The following SLC4A4 variants were observed in gnomAD, a reference collection of about 807,000 sequenced individuals.
SLC4A4 encodes solute carrier family 4 member 4, also known as electrogenic sodium bicarbonate cotransporter 1.
A neutral mutation model predicts 111.5 loss-of-function variants in SLC4A4; 27 were observed. That is an observed-to-expected ratio of 0.24 (90% CI 0.18 to 0.33). The LOEUF (loss-of-function observed/expected upper bound fraction) is 0.33, where lower values mean the gene tolerates loss of function less well. SLC4A4 is among the 10% of genes least tolerant of loss of function. The pLI is 1.00. For synonymous variants in SLC4A4, 443 were observed against 463.4 expected (o/e 0.96, Z 0.57); for missense variants, 909 against 1,315.5 (o/e 0.69, Z 4.78).
At chr4:71,326,955 A>G (rs974171982) in intron 3 of SLC4A4, among the ~76,000 whole-genome samples, 7 of 152,078 alleles carry the variant, frequency 4.6e-5, no homozygotes, top group African/African-American at 1.7e-4. Flanking sequence ...ACTTAAAAAT[A>G]GTTGTTTCTT....
intron 2 of SLC4A4, among the ~76,000 whole-genome samples, chr4:71,244,651 G>T (rs775434104): frequency 6.6e-6 from 1 of 152,102 alleles, no homozygotes; most frequent in Non-Finnish European, 1.5e-5. Context: ...CTCACCAGTG[G>T]TTGCTGTGAC....
chr4:71,256,390 G>A (rs1721453829), intron 3 of SLC4A4, among the ~76,000 whole-genome samples: 1 of 152,154 alleles, frequency 6.6e-6, no homozygotes, highest in Admixed American at 6.5e-5. Context: ...ATTAAAGAGG[G>A]TGTGAGGCAT....
intron 23 of SLC4A4, among the ~76,000 whole-genome samples, chr4:71,561,866 T>A (rs1468417542): frequency 6.6e-6 from 1 of 151,808 alleles, no homozygotes; most frequent in Non-Finnish European, 1.5e-5. Flanking sequence ...AAAATAAATA[T>A]GTCAACTTAT....
At chr4:71,372,602 C>T (rs1423561326) in intron 6 of SLC4A4, among the ~76,000 whole-genome samples, 1 of 152,212 alleles carries the variant, frequency 6.6e-6, no homozygotes, top group African/African-American at 2.4e-5. Context: ...CAGTCGAAAT[C>T]AGCTGCTTCA....
intron 6 of SLC4A4, among the ~76,000 whole-genome samples, chr4:71,380,782 T>C (rs1000802458): frequency 6.6e-6 from 1 of 152,186 alleles, no homozygotes; most frequent in African/African-American, 2.4e-5. Flanking sequence ...AGATGGCACA[T>C]TTCCTTGCTA....
intron 12 of SLC4A4, among the ~76,000 whole-genome samples, chr4:71,464,679 C>T (rs1727151917): frequency 6.6e-6 from 1 of 152,064 alleles, no homozygotes. Flanking sequence ...TGTTTTTTAT[C>T]CACCGTCATC....
At chr4:71,335,185 G>A (rs1328709010) in intron 3 of SLC4A4, among the ~76,000 whole-genome samples, 1 of 152,026 alleles carries the variant, frequency 6.6e-6, no homozygotes, top group African/African-American at 2.4e-5. Context: ...TACCTATATA[G>A]CAAACCTGCA....
intron 1 of SLC4A4, among the ~76,000 whole-genome samples, chr4:71,197,734 A>T (rs1746072206): frequency 6.6e-6 from 1 of 152,230 alleles, no homozygotes; most frequent in African/African-American, 2.4e-5. Context: ...ATAATAAAAA[A>T]AAGATTTATA....
rs928220458 is a variant in SLC4A4 at position 71,568,758 on chromosome 4, T to G, written c.*1007T>G. On this transcript the variant is annotated 3_prime_UTR_variant, in exon 26 of 26. Coordinates refer to ENST00000264485, the MANE Select transcript of SLC4A4 (RefSeq NM_001098484.3). ...AATTGTATTGTATATAATGTGATTT[T>G]TACACATACATACACACACAAATAC... The G allele has an allele frequency of 6.6e-6, 1 of 152,176 alleles. No individual in the cohort carries two copies. The highest frequency in any genetic ancestry group is 6.6e-5 in the Admixed American group (1 of 15,170). 9.4% of individuals were successfully genotyped at this position (152,176 alleles called of 1,614,324 possible). A position where few individuals can be genotyped will look rare whatever the true frequency, so the allele number is the denominator to read the frequency against.
intron 1 of SLC4A4, among the ~76,000 whole-genome samples, chr4:71,204,255 C>T (rs1047171917): frequency 1.3e-5 from 2 of 152,208 alleles, no homozygotes; most frequent in Non-Finnish European, 2.9e-5. Flanking sequence ...ATCTTCAAAG[C>T]ACTTTCCAAA....
chr4:71,077,381 G>A (rs376501633), intron 1 of SLC4A4, among the ~76,000 whole-genome samples: 3 of 152,020 alleles, frequency 2.0e-5, no homozygotes, highest in South Asian at 2.1e-4. Context: ...GGCTGGTCTC[G>A]AACCCCTGAC....
chr4:71,209,181 T>A (rs1717976648), intron 1 of SLC4A4, among the ~76,000 whole-genome samples: 2 of 152,294 alleles, frequency 1.3e-5, no homozygotes, highest in South Asian at 2.1e-4. Context: ...AATATGCAAA[T>A]CAAAAGGACC....
intron 2 of SLC4A4, among the ~76,000 whole-genome samples, chr4:71,151,102 C>A (rs539606795): frequency 1.3e-5 from 2 of 152,304 alleles, no homozygotes; most frequent in South Asian, 2.1e-4. Flanking sequence ...GCTTTGGTCA[C>A]ATTAGCTACA....
intron 7 of SLC4A4, among the ~76,000 whole-genome samples, chr4:71,439,467 A>AAAG (rs1724497358): frequency 7.4e-5 from 10 of 135,420 alleles, no homozygotes; most frequent in African/African-American, 2.6e-4. Context: ...AAAAAAAAAA[A>AAAG]AAAAGAAAAG....
In SLC4A4 at chr4:71,171,275, T is replaced by G. The variant is rs149519978; in HGVS notation, c.-1-65301T>G. ...AATGGAGAGTGTGGAGAGGAGAGTG[T>G]GGATGTTGGGAGGTCATACTTTATC... On this transcript the variant is annotated intron_variant, in intron 2 of 26. Transcript: ENST00000649996. 2.5e-3 allele frequency among the ~76,000 whole-genome samples: 377 copies of G among 151,848 alleles called. 2 individuals are homozygous for G. Among genetic ancestry groups the G allele is most frequent in the Admixed American group, 0.01 (159 of 15,228 alleles).
intron 7 of SLC4A4, among the ~76,000 whole-genome samples, chr4:71,438,476 T>C (rs992050022): frequency 3.3e-5 from 5 of 152,228 alleles, no homozygotes; most frequent in African/African-American, 9.7e-5. Flanking sequence ...AAAAAGAGTA[T>C]TGTAACTATT....
intron 1 of SLC4A4, among the ~76,000 whole-genome samples, chr4:71,091,519 C>T (rs1318932015): frequency 6.7e-6 from 1 of 148,590 alleles, no homozygotes; most frequent in East Asian, 2.0e-4. Context: ...TCCCAAAGTG[C>T]TGGGATTACA....
intron 3 of SLC4A4, among the ~76,000 whole-genome samples, chr4:71,310,805 A>G (rs1329027441): frequency 6.6e-6 from 1 of 152,232 alleles, no homozygotes; most frequent in Non-Finnish European, 1.5e-5. Flanking sequence ...TAGCATCATG[A>G]TGACAAGATC....
intron 2 of SLC4A4, among the ~76,000 whole-genome samples, chr4:71,147,612 T>A (rs1366628531): frequency 1.3e-5 from 2 of 152,142 alleles, no homozygotes; most frequent in African/African-American, 2.4e-5. Flanking sequence ...CTTGATTTAA[T>A]CACAGCAGGG....
Sources: gnomAD v4.1 joint callset for allele counts (sites outside exome capture counted in the v4.1 genomes callset) on GRCh38, gnomAD v4.1.1 for gene constraint, MANE v1.5 for transcripts, NCBI Gene and HGNC (gene_info 2026-07-23, HGNC 2026-07-21) for gene names.